Variants in NKAIN2 observed in about 807,000 individuals in gnomAD.
NKAIN2 encodes the protein sodium/potassium-transporting ATPase subunit beta-1-interacting protein 2.
A neutral mutation model predicts 32.6 loss-of-function variants in NKAIN2; 14 were observed. The ratio of observed to expected loss-of-function variants is 0.43; its 90% CI spans 0.28 to 0.67. The LOEUF is 0.67. Among genes scored for constraint, NKAIN2 ranks in the 30% least tolerant of loss-of-function variants. The pLI is 0.17. For missense variants in NKAIN2, 198 were observed against 258.3 expected, an observed-to-expected ratio of 0.77 and a Z score of 1.60; for synonymous variants, 80 against 87.2, an observed-to-expected ratio of 0.92 and a Z score of 0.46.
chr6:124,698,351 A>G (rs1774604009), intron 4 of NKAIN2, among the ~76,000 whole-genome samples: 1 of 152,082 alleles, frequency 6.6e-6, no homozygotes, highest in South Asian at 2.1e-4. Context: ...AAGTGTTAGC[A>G]TAAAAAAATG....
chr6:124,627,227 A>G (rs1383331500), intron 3 of NKAIN2, among the ~76,000 whole-genome samples: 1 of 152,132 alleles, frequency 6.6e-6, no homozygotes, highest in Admixed American at 6.5e-5. Flanking sequence ...CCAAGATCAC[A>G]TCACTGCACT....
chr6:123,923,919 T>C (rs1251457748), intron 1 of NKAIN2, among the ~76,000 whole-genome samples: 1 of 150,952 alleles, frequency 6.6e-6, no homozygotes, highest in Non-Finnish European at 1.5e-5. Flanking sequence ...TGTGCACATG[T>C]ACCCTAAAAC....
intron 4 of NKAIN2, among the ~76,000 whole-genome samples, chr6:124,668,854 C>G (rs962970815): frequency 3.0e-4 from 45 of 152,212 alleles, no homozygotes; most frequent in African/African-American, 1.1e-3. Flanking sequence ...GTAAAGAAGT[C>G]ACCAAAATAG....
rs558628599 is a variant in NKAIN2, at chr6:123,823,881, T to G, written c.54+19627T>G. On this transcript the variant is annotated intron_variant, in intron 1 of 6. Coordinates refer to ENST00000368417, the MANE Select transcript of NKAIN2 (RefSeq NM_001040214.3). ...TTCAGGGAGTTTTTGATAGGGTAGT[T>G]TCATTAGCATTGGAAAAATCAATGT... Among the ~76,000 whole-genome samples the G allele has an allele frequency of 3.3e-5, 5 of 152,176 alleles. No homozygotes were observed. In the South Asian group the frequency reaches 1.0e-3, roughly 32 times the overall value.
In NKAIN2 at chr6:123,890,140, C is replaced by T. The variant is rs568005760; in HGVS notation, c.54+85886C>T. Among the ~76,000 whole-genome samples the T allele has an allele frequency of 8.5e-5, 13 of 152,102 alleles. No homozygotes were observed. In the South Asian group the frequency reaches 2.5e-3, roughly 29 times the overall value. ...GCTTAAAAAATAGAGCAGTTTATTA[C>T]CTCATGTAAAAAGACATCCACTGGT... is the stretch of plus-strand genomic sequence containing the variant. On this transcript the variant is annotated intron_variant, in intron 1 of 6. Transcript: ENST00000368417.
At chr6:124,766,906 G>GT (rs1048704261) in intron 4 of NKAIN2, among the ~76,000 whole-genome samples, 1 of 151,622 alleles carries the variant, frequency 6.6e-6, no homozygotes, top group Non-Finnish European at 1.5e-5. Context: ...TTTGTTTTTT[G>GT]TTTTTTTGAC....
chr6:124,510,525 C>A (rs1313455553), intron 3 of NKAIN2, among the ~76,000 whole-genome samples: 1 of 152,150 alleles, frequency 6.6e-6, no homozygotes, highest in African/African-American at 2.4e-5. Flanking sequence ...AATCTGCATG[C>A]CATCTTTATA....
chr6:123,849,949 GT>G (rs777466801), intron 1 of NKAIN2, among the ~76,000 whole-genome samples: 4,537 of 38,772 alleles, frequency 0.12, 272 homozygotes, highest in South Asian at 0.27. Context: ...ACTCAGGCTG[GT>G]TTTTTTTTTT....
intron 3 of NKAIN2, among the ~76,000 whole-genome samples, chr6:124,538,765 T>C (rs955658504): frequency 2.0e-5 from 3 of 152,164 alleles, no homozygotes; most frequent in African/African-American, 7.2e-5. Flanking sequence ...TGAATTTATA[T>C]TGCAGGGCTA....
chr6:124,679,497 A>C (rs2114499283), intron 4 of NKAIN2, among the ~76,000 whole-genome samples: 1 of 152,292 alleles, frequency 6.6e-6, no homozygotes, highest in African/African-American at 2.4e-5. Context: ...GCCAAGTGGA[A>C]GGACTGTGAT....
At chr6:124,004,454 G>A (rs1056232767) in intron 1 of NKAIN2, among the ~76,000 whole-genome samples, 27 of 151,968 alleles carry the variant, frequency 1.8e-4, no homozygotes, top group Non-Finnish European at 2.1e-4. Flanking sequence ...AAGGAAGAGG[G>A]AAGCCAGACA....
intron 2 of NKAIN2, among the ~76,000 whole-genome samples, chr6:124,297,591 C>A (rs1302880965): frequency 6.6e-6 from 1 of 151,908 alleles, no homozygotes; most frequent in Non-Finnish European, 1.5e-5. Flanking sequence ...ATCATACCAC[C>A]CTTCTAGTCA....
chr6:124,131,215 G>A (rs1408147355), intron 1 of NKAIN2, among the ~76,000 whole-genome samples: 1 of 152,036 alleles, frequency 6.6e-6, no homozygotes, highest in Non-Finnish European at 1.5e-5. Context: ...CATGATCTTG[G>A]CTCACTGCAA....
chr6:123,923,447 TC>T (rs1236324041), intron 1 of NKAIN2, among the ~76,000 whole-genome samples: 1 of 152,036 alleles, frequency 6.6e-6, no homozygotes, highest in Admixed American at 6.6e-5. Flanking sequence ...ATTTGTAATG[TC>T]CATTCATGGT....
intron 1 of NKAIN2, among the ~76,000 whole-genome samples, chr6:123,893,702 A>C (rs938965727): frequency 6.6e-6 from 1 of 152,238 alleles, no homozygotes. Context: ...ATTTATTTAA[A>C]TATTCAAATA....
chr6:124,357,555 C>A (rs952038514), intron 3 of NKAIN2, among the ~76,000 whole-genome samples: 5 of 151,888 alleles, frequency 3.3e-5, no homozygotes, highest in Admixed American at 6.6e-5. Context: ...AATGTGTCTA[C>A]CCTATGAATG....
intron 1 of NKAIN2, among the ~76,000 whole-genome samples, chr6:123,826,247 A>G (rs1774142463): frequency 6.6e-6 from 1 of 152,186 alleles, no homozygotes; most frequent in Non-Finnish European, 1.5e-5. Context: ...AAATATAAAA[A>G]TATAACTAGT....
rs1406640539 is a variant in NKAIN2 at position 124,153,465 on chromosome 6, A to G, written c.55-129540A>G. ...TTATAGATAACTTGAGGGATAATTAACTTTTAACATTATCTAGTATTCAAT... is the reference window on the plus strand; with the variant it reads ...TTATAGATAACTTGAGGGATAATTAGCTTTTAACATTATCTAGTATTCAAT... On this transcript the variant is annotated intron_variant, in intron 1 of 6. Coordinates refer to ENST00000368417, the MANE Select transcript of NKAIN2 (RefSeq NM_001040214.3). Among the ~76,000 whole-genome samples, 5 of 151,842 alleles carry G rather than the reference A, an allele frequency of 3.3e-5. No homozygotes were observed. The East Asian group carries it at 9.7e-4, about 29-fold the overall frequency.
At chr6:123,819,484 C>A (rs943183969) in intron 1 of NKAIN2, among the ~76,000 whole-genome samples, 14 of 152,170 alleles carry the variant, frequency 9.2e-5, no homozygotes, top group African/African-American at 2.9e-4. Flanking sequence ...AAGTGCTTAA[C>A]AATATGACCT....
Sources: gnomAD v4.1 joint callset for allele counts (sites outside exome capture counted in the v4.1 genomes callset) on GRCh38, gnomAD v4.1.1 for gene constraint, MANE v1.5 for transcripts, NCBI Gene and HGNC (gene_info 2026-07-23, HGNC 2026-07-21) for gene names.